GXYLT2: variants seen among roughly 807,000 people sequenced by gnomAD.
GXYLT2 encodes glucoside xylosyltransferase 2, also known as glycosyltransferase 8 domain containing 4.
Under a neutral mutation model 45.8 loss-of-function variants are expected in GXYLT2, and 53 were observed. The observed-to-expected ratio is 1.16, with a 90% CI of 0.93 to 1.46. The LOEUF (loss-of-function observed/expected upper bound fraction) is 1.46. Ranked by LOEUF, GXYLT2 falls within the 40% of genes most tolerant of loss-of-function variation. The pLI is 0.00. For synonymous variants in GXYLT2, 219 were observed against 214.2 expected (o/e 1.02, Z -0.19); for missense variants, 551 against 544.4 (o/e 1.01, Z -0.12).
intron 3 of GXYLT2, among the ~76,000 whole-genome samples, chr3:72,951,191 A>G (rs1710516885): frequency 6.6e-6 from 1 of 150,412 alleles, no homozygotes; most frequent in African/African-American, 2.4e-5. Context: ...TCAAAAAGTG[A>G]TTTTTTTTTT....
chr3:72,907,324 AT>A (rs1709531079), intron 1 of GXYLT2, among the ~76,000 whole-genome samples: 1 of 152,222 alleles, frequency 6.6e-6, no homozygotes, highest in African/African-American at 2.4e-5. Flanking sequence ...GGTGAAAGAA[AT>A]CTGGAGCAAG....
chr3:72,964,489 A>C (rs1710825341), intron 5 of GXYLT2, among the ~76,000 whole-genome samples: 1 of 151,646 alleles, frequency 6.6e-6, no homozygotes, highest in Non-Finnish European at 1.5e-5. Flanking sequence ...TGCCTGGCTA[A>C]TTTTTGTATT....
intron 2 of GXYLT2, among the ~76,000 whole-genome samples, chr3:72,920,127 ATTTTTTATTTAT>A (rs1160729871): frequency 6.6e-6 from 1 of 150,862 alleles, no homozygotes; most frequent in Non-Finnish European, 1.5e-5. Context: ...TACTTTTTTT[ATTTTTTATTTAT>A]TTTTTTATTT....
At chr3:72,964,787 T>C (rs1313096408) in intron 5 of GXYLT2, among the ~76,000 whole-genome samples, 4 of 152,192 alleles carry the variant, frequency 2.6e-5, no homozygotes, top group Non-Finnish European at 5.9e-5. Context: ...ATCAGTGTGT[T>C]TACAAAAACA....
At chr3:72,950,737 A>G (rs1710506275) in intron 3 of GXYLT2, among the ~76,000 whole-genome samples, 1 of 152,220 alleles carries the variant, frequency 6.6e-6, no homozygotes. Flanking sequence ...TTTAACCACC[A>G]AGTCATACTG....
In GXYLT2 at chr3:72,909,066, T is replaced by C. The variant is rs1037360486; in HGVS notation, c.468+507T>C. On this transcript the variant is annotated intron_variant, in intron 2 of 6. Coordinates refer to ENST00000389617, the MANE Select transcript of GXYLT2 (RefSeq NM_001080393.2). ...TCTTTCTTTCTTTCTTCCTTTCTTT[T>C]TTTTTTTTTTTTTTTTTTTTGAGAC... 7.8e-5 allele frequency among the ~76,000 whole-genome samples: 8 copies of C among 102,902 alleles called. No homozygotes were observed. In the South Asian group the frequency reaches 8.4e-4, roughly 11 times the overall value. 67.5% of individuals were successfully genotyped at this position (102,902 alleles called of 152,430 possible).
intron 2 of GXYLT2, among the ~76,000 whole-genome samples, chr3:72,911,048 T>C (rs1379153727): frequency 6.6e-6 from 1 of 152,050 alleles, no homozygotes; most frequent in Admixed American, 6.6e-5. Context: ...TCCCAGCACT[T>C]TGCGAAGCTG....
intron 3 of GXYLT2, among the ~76,000 whole-genome samples, chr3:72,951,719 T>C (rs1702042841): frequency 6.6e-6 from 1 of 152,236 alleles, no homozygotes; most frequent in African/African-American, 2.4e-5. Context: ...ATGCTGAAAC[T>C]TTAAATGCTT....
rs756564147 is a variant in GXYLT2, at chr3:72,936,611, G to T, written c.600+14276G>T. Among the ~76,000 whole-genome samples, 69 of 152,142 alleles carry T rather than the reference G, an allele frequency of 4.5e-4. 1 individual carries two copies. Among genetic ancestry groups the T allele is most frequent in the Non-Finnish European group, 1.3e-4 (9 of 68,038 alleles). On this transcript the variant is annotated intron_variant, in intron 3 of 6. Transcript: ENST00000389617. ...GCTGAGATCGCACCATTGCACTCCA[G>T]TCTGGGTGACAGAGTGAGACTCCAT...
intron 3 of GXYLT2, among the ~76,000 whole-genome samples, chr3:72,940,369 G>A (rs1048956780): frequency 2.6e-5 from 4 of 152,114 alleles, no homozygotes; most frequent in African/African-American, 9.7e-5. Flanking sequence ...AAGTAAATTA[G>A]TTAATTTCAG....
chr3:72,930,552 A>G (rs1183461731), intron 3 of GXYLT2, among the ~76,000 whole-genome samples: 1 of 148,332 alleles, frequency 6.7e-6, no homozygotes, highest in Non-Finnish European at 1.5e-5. Flanking sequence ...GTAGTAGGAG[A>G]TATGAGTGCC....
At chr3:72,937,942 A>G (rs991783503) in intron 3 of GXYLT2, among the ~76,000 whole-genome samples, 1 of 152,146 alleles carries the variant, frequency 6.6e-6, no homozygotes, top group Non-Finnish European at 1.5e-5. Flanking sequence ...TCTCAGGAGC[A>G]TGTAAGCCCT....
At chr3:72,923,958 G>C (rs902768585) in intron 3 of GXYLT2, among the ~76,000 whole-genome samples, 1 of 152,136 alleles carries the variant, frequency 6.6e-6, no homozygotes, top group Non-Finnish European at 1.5e-5. Flanking sequence ...AGACATGAAT[G>C]AAGGAGAAGT....
intron 3 of GXYLT2, among the ~76,000 whole-genome samples, chr3:72,945,303 A>AAGAT (rs1553708923): frequency 6.6e-6 from 1 of 151,250 alleles, no homozygotes; most frequent in East Asian, 1.9e-4. Flanking sequence ...ATAAAAAAAT[A>AAGAT]AAAATAAAAT....
intron 2 of GXYLT2, among the ~76,000 whole-genome samples, chr3:72,910,007 A>G (rs1266289088): frequency 6.6e-6 from 1 of 152,220 alleles, no homozygotes; most frequent in East Asian, 1.9e-4. Flanking sequence ...CATGGAGGAA[A>G]TAGTCTTGGG....
At chr3:72,965,109 C>T (rs902409792) in intron 5 of GXYLT2, among the ~76,000 whole-genome samples, 1 of 152,154 alleles carries the variant, frequency 6.6e-6, no homozygotes, top group African/African-American at 2.4e-5. Context: ...TGCAAATGTT[C>T]AGGTAAATGC....
Position 72,955,311 on chromosome 3 carries a change from T to A in GXYLT2, c.814T>A (p.Leu272Ile). 2 of 1,613,938 alleles carry A rather than the reference T, an allele frequency of 1.2e-6. No homozygotes were observed. Among genetic ancestry groups the A allele is most frequent in the Non-Finnish European group, 1.7e-6 (2 of 1,179,818 alleles). Residue 272 changes from leucine to isoleucine, a missense_variant, in exon 4 of 7, where the codon TTA becomes ATA. Physicochemically the swap from Leu to Ile is conservative, Grantham distance 5. Coordinates refer to ENST00000389617, the MANE Select transcript of GXYLT2 (RefSeq NM_001080393.2). ...TGCAGGAGTTAATTCAGGAGTCATG[T>A]TAATGAATTTAACTCGGATAAGAAG... ...GSAGVNSGVMLMNLTRIRSTQ... is the reference protein window; with the variant it reads ...GSAGVNSGVMIMNLTRIRSTQ...
At position 72,888,338 on chromosome 3, in the gene GXYLT2, G is replaced by GCCCGCGCGC. The variant is rs1383839544; in HGVS notation, c.112_120dup (p.Arg38_Ala40dup). 6.3e-5 allele frequency: 62 copies of GCCCGCGCGC among 983,954 alleles called. No homozygotes were observed. In the African/African-American group the frequency reaches 1.1e-3, roughly 17 times the overall value. 61.0% of individuals were successfully genotyped at this position (983,954 alleles called of 1,614,324 possible). A position where few individuals can be genotyped will look rare whatever the true frequency, so the allele number is the denominator to read the frequency against. ...CTGGCCGCGCTGAGCCCCCAGCGCT[G>GCCCGCGCGC]CCCGCGCGCCCCGCGTCCGCCCCGC... On this transcript the variant is annotated inframe_insertion, in exon 1 of 7. Coordinates refer to ENST00000389617, the MANE Select transcript of GXYLT2 (RefSeq NM_001080393.2).
intron 1 of GXYLT2, among the ~76,000 whole-genome samples, chr3:72,899,859 A>C (rs1164408589): frequency 6.6e-6 from 1 of 152,200 alleles, no homozygotes; most frequent in African/African-American, 2.4e-5. Context: ...TCAGCTTCTT[A>C]AAATTCATCT....
Sources: gnomAD v4.1 joint callset for allele counts (sites outside exome capture counted in the v4.1 genomes callset) on GRCh38, gnomAD v4.1.1 for gene constraint, MANE v1.5 for transcripts, NCBI Gene and HGNC (gene_info 2026-07-23, HGNC 2026-07-21) for gene names.